PZP: variants seen among roughly 807,000 people sequenced by gnomAD.
PZP encodes the protein pregnancy zone protein.
PZP carries 150 observed loss-of-function variants against 179.8 expected under a neutral mutation model. The observed-to-expected ratio is 0.83, with a 90% CI of 0.73 to 0.96. PZP has a LOEUF of 0.96. Among genes scored for constraint, PZP ranks in the 40% least tolerant of loss-of-function variants. The probability of loss-of-function intolerance (pLI) is 0.00; values close to 1 mark genes in which losing one functional copy is unlikely to be tolerated. For missense variants in PZP, 1,689 were observed against 1,764.0 expected, an observed-to-expected ratio of 0.96 and a Z score of 0.76; for synonymous variants, 624 against 652.3, an observed-to-expected ratio of 0.96 and a Z score of 0.66.
rs769624668 is a variant in PZP, at chr12:9,162,630, C to T, written c.2755G>A (p.Glu919Lys). 3.8e-6 allele frequency: 6 copies of T among 1,595,438 alleles called. No homozygotes were observed. In the Admixed American group the frequency reaches 1.0e-4, roughly 27 times the overall value. ...LLVEAEGIEQ[E>K]KTFSSMTCAS... ...CAGGTCATAGAACTGAAAGTCTTTT[C>T]TTGCTCAATACCTTCAGCCTTGGAT... is the stretch of plus-strand genomic sequence containing the variant. Residue 919 changes from glutamate to lysine, a missense_variant, in exon 22 of 36, where the codon GAA (glutamate) becomes AAA (lysine). Glu to Lys is a moderately conservative substitution (Grantham distance 56). Transcript: ENST00000261336.
chr12:9,178,813 G>A (rs4882983), intron 15 of PZP, among the ~76,000 whole-genome samples: 90,317 of 152,006 alleles, frequency 0.59, 27,774 homozygotes, highest in East Asian at 0.83. Flanking sequence ...ACACACCCCT[G>A]CAGATCAGGG....
At chr12:9,157,727 C>T (rs995848881) in intron 27 of PZP, 40 bp downstream of exon 27, 14 of 1,569,238 alleles carry the variant, frequency 8.9e-6, no homozygotes, top group Non-Finnish European at 1.2e-5. Context: ...AGCAAATCTA[C>T]AGTTTTCATG....
intron 10 of PZP, among the ~76,000 whole-genome samples, chr12:9,194,907 T>C (rs1418393120): frequency 1.3e-5 from 2 of 152,212 alleles, no homozygotes; most frequent in African/African-American, 4.8e-5. Flanking sequence ...TGAACTCTAC[T>C]AGCTAAAAAA....
rs1005488377 is a variant in PZP, at chr12:9,153,200, C to T, written c.3918G>A (p.Leu1306=). 2.5e-6 allele frequency: 4 copies of T among 1,614,038 alleles called. No individual in the cohort carries two copies. The highest frequency in any genetic ancestry group is 3.4e-6 in the Non-Finnish European group (4 of 1,180,030). Residue 1306 remains leucine, a synonymous_variant, in exon 30 of 36, where the codon CTG becomes CTA. Transcript: ENST00000261336. ...FQVDNNNLLL[L]QQISLPELPG... is the part of the protein sequence containing the mutation. The stretch of plus-strand genomic sequence containing the variant: ...GGAGCTCTGGCAATGAGATCTGCTG[C>T]AGTAATAGGAGGTTGTTGTTGTCTA...
chr12:9,156,011 C>A (rs747579930), intron 28 of PZP: 13 of 172,564 alleles, frequency 7.5e-5, no homozygotes, highest in Non-Finnish European at 1.3e-4. Context: ...TTTATTGCTT[C>A]TTGACCTTTT....
intron 13 of PZP, 49 bp from the exon 14 acceptor site, chr12:9,182,166 G>GTGAGACAAAAAC (rs1167729764): frequency 6.5e-7 from 1 of 1,548,346 alleles, no homozygotes; most frequent in Admixed American, 1.8e-5. Flanking sequence ...GAGACAAAAA[G>GTGAGACAAAAAC]GTCATAAAAA....
At chr12:9,199,687 A>G (rs750239435) in intron 7 of PZP, among the ~76,000 whole-genome samples, 2 of 152,198 alleles carry the variant, frequency 1.3e-5, no homozygotes, top group South Asian at 2.1e-4. Flanking sequence ...TTAAACCTCT[A>G]AGATATTTAT....
chr12:9,203,426 T>C lies in PZP; in HGVS notation c.267+342A>G, dbSNP rs1041498090. ...GGGCGATCTCGGCTCACTGCAAACT[T>C]CGCCTCCCGGGTTCACGCCATTCTC... On this transcript the variant is annotated intron_variant, in intron 2 of 35. Transcript: ENST00000261336. 2.0e-5 allele frequency among the ~76,000 whole-genome samples: 3 copies of C among 150,312 alleles called. No homozygotes were observed. In the Admixed American group the frequency reaches 2.0e-4, roughly 10 times the overall value.
the PZP span, among the ~76,000 whole-genome samples, chr12:9,140,768 T>C: frequency 6.6e-6 from 1 of 152,164 alleles, no homozygotes; most frequent in Non-Finnish European, 1.5e-5. Flanking sequence ...TGACATTCTT[T>C]ACTTACCACA....
chr12:9,137,111 G>A, the PZP span, among the ~76,000 whole-genome samples: 6 of 152,144 alleles, frequency 3.9e-5, no homozygotes, highest in Non-Finnish European at 7.4e-5. Context: ...CCAAGACCAA[G>A]ATCATAAAGC....
chr12:9,136,517 A>G, the PZP span, among the ~76,000 whole-genome samples: 1 of 152,144 alleles, frequency 6.6e-6, no homozygotes, highest in Non-Finnish European at 1.5e-5. Context: ...TCCATTGTGC[A>G]TGTGTGTGTG....
chr12:9,169,623 G>C (rs1592485222), intron 15 of PZP, 32 bp from the exon 16 acceptor site: 2 of 1,529,600 alleles, frequency 1.3e-6, no homozygotes, highest in East Asian at 4.7e-5. Flanking sequence ...AGGCAGAACT[G>C]TTACTTACTT....
the PZP span, among the ~76,000 whole-genome samples, chr12:9,138,396 G>A: frequency 6.6e-6 from 1 of 151,742 alleles, no homozygotes; most frequent in South Asian, 2.1e-4. Flanking sequence ...TGTGCTGTTG[G>A]ATTCTATTTC....
chr12:9,185,790 A>T (rs1385319513), intron 13 of PZP, among the ~76,000 whole-genome samples: 1 of 134,266 alleles, frequency 7.4e-6, no homozygotes, highest in Non-Finnish European at 1.6e-5. Context: ...TATGTTCAAC[A>T]TTTCTTTTCT....
chr12:9,143,740 C>T, the PZP span, among the ~76,000 whole-genome samples: 41 of 152,260 alleles, frequency 2.7e-4, 1 homozygote, highest in African/African-American at 8.7e-4. Flanking sequence ...GGCCCGGCCA[C>T]GTTGCAATAA....
chr12:9,192,784 T>A (rs150284769), intron 11 of PZP, 45 bp from the exon 12 acceptor site: 1 of 1,369,870 alleles, frequency 7.3e-7, no homozygotes, highest in South Asian at 1.2e-5. Flanking sequence ...CTTGAAATTC[T>A]TCACCTTAGC....
intron 10 of PZP, among the ~76,000 whole-genome samples, chr12:9,195,167 A>G (rs1371501886): frequency 1.3e-5 from 2 of 152,196 alleles, no homozygotes; most frequent in Non-Finnish European, 2.9e-5. Flanking sequence ...ATCTTCAAAA[A>G]TTATTTGAAT....
the PZP span, among the ~76,000 whole-genome samples, chr12:9,142,415 A>T: frequency 6.6e-6 from 1 of 152,236 alleles, no homozygotes; most frequent in Non-Finnish European, 1.5e-5. Flanking sequence ...AGAGATAAGT[A>T]TGAAATTGCT....
chr12:9,168,606 G>A, intron 17 of PZP: 1 of 334,512 alleles, frequency 3.0e-6, no homozygotes, highest in Non-Finnish European at 5.4e-6. Context: ...TCCATTGTCA[G>A]CATTTTCCCT....
Sources: gnomAD v4.1 joint callset for allele counts (sites outside exome capture counted in the v4.1 genomes callset) on GRCh38, gnomAD v4.1.1 for gene constraint, MANE v1.5 for transcripts, NCBI Gene and HGNC (gene_info 2026-07-23, HGNC 2026-07-21) for gene names.